The following NRG1 variants were observed in gnomAD, a reference collection of about 807,000 sequenced individuals.
NRG1 encodes the protein pro-neuregulin-1, membrane-bound isoform.
Under a neutral mutation model 63.8 loss-of-function variants are expected in NRG1, and 18 were observed. That is an observed-to-expected ratio of 0.28 (90% confidence interval 0.19 to 0.42). NRG1 has a LOEUF of 0.42. Among genes scored for constraint, NRG1 ranks in the 10% least tolerant of loss-of-function variants. The pLI is 1.00. For missense variants in NRG1, 762 were observed against 814.7 expected (o/e 0.94, Z 0.79); for synonymous variants, 302 against 301.3 (o/e 1.00, Z -0.02).
rs554128639 is a variant in NRG1 at position 31,646,284 on chromosome 8, C to A, written c.37+6853C>A. On this transcript the variant is annotated intron_variant, in intron 1 of 10. Coordinates refer to the NRG1 transcript ENST00000519301. ...TGGTGCATGAATCCGGAGCTAGTAG[C>A]CAGGTTTATGAGGTAGCAATGGTCC... 3.2e-4 allele frequency among the ~76,000 whole-genome samples: 49 copies of A among 152,290 alleles called. 1 individual carries two copies. The South Asian group carries it at 9.5e-3, about 30-fold the overall frequency.
intron 2 of NRG1, among the ~76,000 whole-genome samples, chr8:32,604,247 G>A (rs953447499): frequency 7.2e-5 from 11 of 152,124 alleles, no homozygotes; most frequent in African/African-American, 2.7e-4. Context: ...CCCATTGTAG[G>A]AAGAAAAAAT....
intron 3 of NRG1, among the ~76,000 whole-genome samples, chr8:32,612,217 T>C (rs540003340): frequency 9.2e-5 from 14 of 152,186 alleles, no homozygotes; most frequent in Non-Finnish European, 1.9e-4. Context: ...GATTTAATGC[T>C]TTTTTAAAAG....
Position 32,620,659 on chromosome 8 carries a change from TA to T in NRG1, c.502+3781del, listed in dbSNP as rs531279071. Among the ~76,000 whole-genome samples the T allele has an allele frequency of 8.5e-3, 1,285 of 151,518 alleles. 3 individuals carry two copies. Among genetic ancestry groups the T allele is most frequent in the Middle Eastern group, 0.028 (8 of 290 alleles). On this transcript the variant is annotated intron_variant, in intron 5 of 11. Coordinates refer to ENST00000356819, the Ensembl canonical transcript of NRG1. The stretch of plus-strand genomic sequence containing the variant: ...GCAACACATTGAGACCTCATCTCTA[TA>T]AAAAAATAAAGAAATTAGCCAGGCT...
chr8:32,417,405 C>T (rs1445824318), intron 1 of NRG1, among the ~76,000 whole-genome samples: 1 of 152,082 alleles, frequency 6.6e-6, no homozygotes, highest in Admixed American at 6.6e-5. Context: ...TCTAAATGGA[C>T]TGTCTTTCAT....
At chr8:31,829,431 C>T (rs374931613) in intron 1 of NRG1, among the ~76,000 whole-genome samples, 21 of 152,306 alleles carry the variant, frequency 1.4e-4, no homozygotes, top group African/African-American at 5.1e-4. Context: ...AGCATTATCA[C>T]AGCAACTGGA....
rs969641159 is a variant in NRG1, at chr8:32,754,530, G to C, written c.794+56G>C. On this transcript the variant is annotated intron_variant, in intron 8 of 11. Coordinates refer to ENST00000356819, the Ensembl canonical transcript of NRG1. ...TCCTTCATGCAGAGACAGCTTAGAT[G>C]GCCAGGGCTTTGCAGAATCTGAGCT... 2.5e-5 allele frequency: 38 copies of C among 1,528,552 alleles called. No homozygotes were observed. In the Admixed American group the frequency reaches 6.7e-4, roughly 27 times the overall value. 94.7% of individuals were successfully genotyped at this position (1,528,552 alleles called of 1,614,324 possible). A position where few individuals can be genotyped will look rare whatever the true frequency, so the allele number is the denominator to read the frequency against.
chr8:32,632,104 T>C (rs1007090883), intron 5 of NRG1, among the ~76,000 whole-genome samples: 1 of 152,226 alleles, frequency 6.6e-6, no homozygotes, highest in Non-Finnish European at 1.5e-5. Context: ...TAATGTTTTA[T>C]TTTTGAGCAT....
At chr8:31,884,065 C>T (rs1055087159) in intron 1 of NRG1, among the ~76,000 whole-genome samples, 12 of 152,000 alleles carry the variant, frequency 7.9e-5, no homozygotes, top group Non-Finnish European at 1.5e-4. Context: ...TGAACATGAA[C>T]GGGCTCCTAT....
intron 1 of NRG1, among the ~76,000 whole-genome samples, chr8:32,349,634 A>G (rs1421669331): frequency 6.6e-6 from 1 of 152,220 alleles, no homozygotes; most frequent in Non-Finnish European, 1.5e-5. Flanking sequence ...CCCATATGAC[A>G]GGATGACTTG....
At chr8:32,732,529 CAATTTTGGTG>C (rs1823941374) in intron 6 of NRG1, among the ~76,000 whole-genome samples, 1 of 152,020 alleles carries the variant, frequency 6.6e-6, no homozygotes, top group Non-Finnish European at 1.5e-5. Flanking sequence ...TTTAAACTAC[CAATTTTGGTG>C]AACAGTCTTA....
At chr8:31,964,768 C>A (rs1806042073) in intron 1 of NRG1, among the ~76,000 whole-genome samples, 3 of 152,166 alleles carry the variant, frequency 2.0e-5, no homozygotes, top group Non-Finnish European at 2.9e-5. Context: ...TTATTCCCTG[C>A]AAGCTACGAG....
intron 1 of NRG1, among the ~76,000 whole-genome samples, chr8:32,000,379 T>G (rs1205026774): frequency 1.3e-5 from 2 of 151,864 alleles, no homozygotes; most frequent in African/African-American, 4.8e-5. Context: ...GTTCTTTTTT[T>G]TTAAAAGACC....
intron 1 of NRG1, among the ~76,000 whole-genome samples, chr8:31,788,620 G>A (rs1167214873): frequency 6.6e-6 from 1 of 152,106 alleles, no homozygotes; most frequent in Non-Finnish European, 1.5e-5. Flanking sequence ...AGGACACACT[G>A]GGGATATTTT....
rs116251101 is a variant in NRG1 at position 31,718,677 on chromosome 8, C to G, written c.37+79246C>G. Among the ~76,000 whole-genome samples the G allele has an allele frequency of 5.4e-3, 828 of 152,270 alleles. 7 individuals are homozygous for G. The highest frequency in any genetic ancestry group is 0.019 in the African/African-American group (794 of 41,548). ...ATACAGAGATATAACATTTCAACAA[C>G]AGAAGCCTTTCTTGTTGAGGGGATG... On this transcript the variant is annotated intron_variant, in intron 1 of 10. Transcript: ENST00000519301.
intron 1 of NRG1, among the ~76,000 whole-genome samples, chr8:32,556,884 G>A (rs1040950473): frequency 6.6e-6 from 1 of 152,208 alleles, no homozygotes; most frequent in African/African-American, 2.4e-5. Context: ...CCTTTACAAG[G>A]AGATGTCAAA....
At chr8:32,188,687 C>A (rs1842194266) in intron 1 of NRG1, among the ~76,000 whole-genome samples, 1 of 151,954 alleles carries the variant, frequency 6.6e-6, no homozygotes, top group Non-Finnish European at 1.5e-5. Context: ...GTATCAGAGA[C>A]AAGAGGAGGA....
At chr8:31,876,568 G>T (rs1228592221) in intron 1 of NRG1, among the ~76,000 whole-genome samples, 1 of 152,188 alleles carries the variant, frequency 6.6e-6, no homozygotes, top group Non-Finnish European at 1.5e-5. Context: ...AATGACTCTT[G>T]TAACACTATT....
intron 5 of NRG1, among the ~76,000 whole-genome samples, chr8:32,723,622 A>C (rs1325869073): frequency 7.6e-6 from 1 of 132,276 alleles, no homozygotes; most frequent in East Asian, 2.6e-4. Flanking sequence ...CCTGGGAGGC[A>C]GAGGTTGCAG....
intron 1 of NRG1, among the ~76,000 whole-genome samples, chr8:31,850,917 T>C (rs1265099682): frequency 6.6e-6 from 1 of 152,190 alleles, no homozygotes; most frequent in Non-Finnish European, 1.5e-5. Context: ...ACCGGATTAG[T>C]GCTGCTTATT....
Sources: allele counts gnomAD v4.1 joint callset (sites outside exome capture counted in the v4.1 genomes callset), GRCh38; gene constraint gnomAD v4.1.1; transcripts MANE v1.5; gene names NCBI Gene and HGNC (gene_info 2026-07-23, HGNC 2026-07-21).